ZNF804B: variants seen among roughly 807,000 people sequenced by gnomAD.
ZNF804B encodes zinc finger protein 804B.
A neutral mutation model predicts 101.4 loss-of-function variants in ZNF804B; 80 were observed. The observed-to-expected ratio is 0.79, with a 90% CI of 0.66 to 0.95. The LOEUF is 0.95. Ranked by LOEUF, ZNF804B falls within the 40% of genes least tolerant of loss-of-function variation. The pLI, the probability that ZNF804B is intolerant of heterozygous loss-of-function variation, is 0.00. For missense variants in ZNF804B, 1,673 were observed against 1,561.9 expected, an observed-to-expected ratio of 1.07 and a Z score of -1.20; for synonymous variants, 622 against 558.8, an observed-to-expected ratio of 1.11 and a Z score of -1.59.
Position 89,309,759 on chromosome 7 carries a change from C to CAA in ZNF804B, c.250-17548_250-17547dup, listed in dbSNP as rs397791531. 3.4e-3 allele frequency among the ~76,000 whole-genome samples: 243 copies of CAA among 70,780 alleles called. 50 individuals carry two copies. The highest frequency in any genetic ancestry group is 5.1e-3 in the Non-Finnish European group (201 of 39,602). The allele number at this position is 70,780 out of a possible 152,430, so 46.4% of individuals were successfully genotyped here. Reference sequence around the variant, plus strand: ...TGGGCTACAGAGTGAGACCCTGTCTCAAAAAAAAAAAAAAAAAAAAAAAAA... The same window carrying CAA: ...TGGGCTACAGAGTGAGACCCTGTCTCAAAAAAAAAAAAAAAAAAAAAAAAAAA... On this transcript the variant is annotated intron_variant, in intron 2 of 3. Coordinates refer to ENST00000333190, the MANE Select transcript of ZNF804B (RefSeq NM_181646.5).
intron 1 of ZNF804B, among the ~76,000 whole-genome samples, chr7:88,889,420 T>G (rs1792182498): frequency 6.6e-6 from 1 of 152,196 alleles, no homozygotes; most frequent in Admixed American, 6.5e-5. Flanking sequence ...AGCATTCCCT[T>G]TTCTTTGCAG....
chr7:89,103,048 GTTTT>G (rs56693128), intron 1 of ZNF804B, among the ~76,000 whole-genome samples: 29 of 33,746 alleles, frequency 8.6e-4, no homozygotes, highest in African/African-American at 1.8e-3. Context: ...CTATGTGTCT[GTTTT>G]TTTTTTTTTT....
intron 1 of ZNF804B, among the ~76,000 whole-genome samples, chr7:88,906,455 C>G (rs189712292): frequency 7.2e-5 from 11 of 152,222 alleles, no homozygotes; most frequent in Admixed American, 7.2e-4. Context: ...TCATTAATTT[C>G]AAAGAATTTT....
intron 1 of ZNF804B, among the ~76,000 whole-genome samples, chr7:88,961,715 A>G (rs553291408): frequency 6.6e-6 from 1 of 151,520 alleles, no homozygotes; most frequent in South Asian, 2.1e-4. Context: ...ATGTCAGGAA[A>G]CTATGATCCT....
intron 2 of ZNF804B, among the ~76,000 whole-genome samples, chr7:89,231,311 G>A (rs1457464875): frequency 6.6e-6 from 1 of 151,940 alleles, no homozygotes; most frequent in Non-Finnish European, 1.5e-5. Flanking sequence ...TGACTTATAT[G>A]TTTATGCTTA....
At chr7:89,276,168 G>A (rs1789977311) in intron 2 of ZNF804B, among the ~76,000 whole-genome samples, 1 of 151,800 alleles carries the variant, frequency 6.6e-6, no homozygotes, top group African/African-American at 2.4e-5. Context: ...GTGGCCTGTG[G>A]CAAGGGTGTG....
intron 1 of ZNF804B, among the ~76,000 whole-genome samples, chr7:89,071,059 T>G (rs2116297428): frequency 6.6e-6 from 1 of 152,268 alleles, no homozygotes; most frequent in African/African-American, 2.4e-5. Flanking sequence ...ATAATTTAAA[T>G]CATCCCTAAA....
At chr7:89,057,306 G>A (rs2157802) in intron 1 of ZNF804B, among the ~76,000 whole-genome samples, 68,704 of 151,694 alleles carry the variant, frequency 0.45, 16,304 homozygotes, top group Non-Finnish European at 0.53. Context: ...AAATGCAGCC[G>A]GATTGATGCT....
chr7:89,308,216 T>G (rs926896031), intron 2 of ZNF804B, among the ~76,000 whole-genome samples: 1 of 152,160 alleles, frequency 6.6e-6, no homozygotes, highest in African/African-American at 2.4e-5. Context: ...GGTAAGGCAT[T>G]AGAAAAGACG....
At chr7:88,792,552 C>A (rs543124507) in intron 1 of ZNF804B, among the ~76,000 whole-genome samples, 1 of 152,026 alleles carries the variant, frequency 6.6e-6, no homozygotes, top group East Asian at 1.9e-4. Flanking sequence ...CTTTGTTGAA[C>A]GTTTTCTCTA....
intron 1 of ZNF804B, among the ~76,000 whole-genome samples, chr7:89,079,046 TC>T (rs965515370): frequency 1.3e-5 from 2 of 152,080 alleles, no homozygotes; most frequent in African/African-American, 4.8e-5. Flanking sequence ...TTTGAATGGC[TC>T]AAAATGTACC....
chr7:89,128,720 C>T (rs1790506507), intron 1 of ZNF804B, among the ~76,000 whole-genome samples: 1 of 151,852 alleles, frequency 6.6e-6, no homozygotes, highest in Non-Finnish European at 1.5e-5. Flanking sequence ...CATATTTTCT[C>T]ATCTCTCTGT....
At chr7:89,107,836 C>A (rs961355942) in intron 1 of ZNF804B, among the ~76,000 whole-genome samples, 1 of 152,122 alleles carries the variant, frequency 6.6e-6, no homozygotes, top group South Asian at 2.1e-4. Context: ...TATTACTAAG[C>A]GGCATGGGGG....
chr7:89,143,405 C>T (rs571728609), intron 1 of ZNF804B, among the ~76,000 whole-genome samples: 1 of 151,768 alleles, frequency 6.6e-6, no homozygotes, highest in Non-Finnish European at 1.5e-5. Context: ...TTAGTGATAA[C>T]CTTTTTGTTC....
chr7:89,027,159 C>T (rs916174002), intron 1 of ZNF804B, among the ~76,000 whole-genome samples: 1 of 151,826 alleles, frequency 6.6e-6, no homozygotes, highest in Non-Finnish European at 1.5e-5. Context: ...GAAAAGTATC[C>T]ACTGGATTGT....
intron 1 of ZNF804B, among the ~76,000 whole-genome samples, chr7:88,872,331 G>A (rs1289233690): frequency 6.6e-6 from 1 of 151,810 alleles, no homozygotes; most frequent in Non-Finnish European, 1.5e-5. Flanking sequence ...GCAGGAAAAT[G>A]GCTTTAACCT....
chr7:88,929,996 A>G (rs1463843171), intron 1 of ZNF804B, among the ~76,000 whole-genome samples: 1 of 151,900 alleles, frequency 6.6e-6, no homozygotes, highest in African/African-American at 2.4e-5. Context: ...TGGTTCCAAA[A>G]TGTATGTTTT....
In ZNF804B at chr7:88,814,051, G is replaced by T. The variant is rs560117903; in HGVS notation, c.108+53967G>T. The stretch of plus-strand genomic sequence containing the variant: ...GTGAAAATTCTGATTTGAGAGAAAT[G>T]TATGCAGAATTGATATTTATAGTAC... On this transcript the variant is annotated intron_variant, in intron 1 of 3. Coordinates refer to ENST00000333190, the MANE Select transcript of ZNF804B (RefSeq NM_181646.5). 6.6e-5 allele frequency among the ~76,000 whole-genome samples: 10 copies of T among 152,234 alleles called. No individual in the cohort carries two copies. The East Asian group carries it at 1.9e-3, about 29-fold the overall frequency.
chr7:88,825,057 A>C (rs1267768152), intron 1 of ZNF804B, among the ~76,000 whole-genome samples: 1 of 152,154 alleles, frequency 6.6e-6, no homozygotes, highest in Non-Finnish European at 1.5e-5. Flanking sequence ...TTTCTGGTAC[A>C]TTTATGTCCT....
Sources: gnomAD v4.1 joint callset for allele counts (sites outside exome capture counted in the v4.1 genomes callset) on GRCh38, gnomAD v4.1.1 for gene constraint, MANE v1.5 for transcripts, NCBI Gene and HGNC (gene_info 2026-07-23, HGNC 2026-07-21) for gene names.